SECISBP2L: variants seen among roughly 807,000 people sequenced by gnomAD.
SECISBP2L encodes selenocysteine insertion sequence-binding protein 2-like.
Under a neutral mutation model 114.7 loss-of-function variants are expected in SECISBP2L, and 43 were observed. The ratio of observed to expected loss-of-function variants is 0.38; its 90% CI spans 0.29 to 0.48. The LOEUF is 0.48. Among genes scored for constraint, SECISBP2L ranks in the 20% least tolerant of loss-of-function variants. The pLI is 0.98. For missense variants in SECISBP2L, 1,136 were observed against 1,301.1 expected (o/e 0.87, Z 1.95); for synonymous variants, 451 against 439.7 (o/e 1.03, Z -0.32).
chr15:49,023,968 A>T (rs1386109468), intron 7 of SECISBP2L, among the ~76,000 whole-genome samples: 1 of 152,154 alleles, frequency 6.6e-6, no homozygotes, highest in African/African-American at 2.4e-5. Context: ...ATCTTTTTTT[A>T]AAAATCTCTT....
intron 1 of SECISBP2L, among the ~76,000 whole-genome samples, chr15:49,041,974 A>AG (rs1233534821): frequency 3.3e-5 from 5 of 152,214 alleles, no homozygotes; most frequent in Admixed American, 2.0e-4. Flanking sequence ...GACAATAATG[A>AG]GGAAGACAAA....
intron 17 of SECISBP2L, among the ~76,000 whole-genome samples, chr15:48,994,238 T>C (rs1902044500): frequency 6.6e-6 from 1 of 152,162 alleles, no homozygotes; most frequent in African/African-American, 2.4e-5. Flanking sequence ...ATTAGTATTA[T>C]ATCCCTTTAG....
At chr15:49,026,151 C>T (rs1255660954) in intron 7 of SECISBP2L, among the ~76,000 whole-genome samples, 8 of 152,100 alleles carry the variant, frequency 5.3e-5, no homozygotes, top group Non-Finnish European at 1.2e-4. Flanking sequence ...CACGTTGTCA[C>T]TCACATGTGG....
At chr15:49,035,690 A>G in intron 2 of SECISBP2L, 32 bp from the exon 3 acceptor site, 2 of 1,568,156 alleles carry the variant, frequency 1.3e-6, no homozygotes, top group South Asian at 1.2e-5. Flanking sequence ...GAACAAATCT[A>G]TTGACAAGTC....
chr15:49,046,328 T>C lies in SECISBP2L; in HGVS notation c.-29A>G. Reference sequence around the variant, plus strand: ...GCCTGCAGCCGCAACGGGCCCGCGCTAGTCGGTGTAAACAGCGCCTCGGGC... The same window carrying C: ...GCCTGCAGCCGCAACGGGCCCGCGCCAGTCGGTGTAAACAGCGCCTCGGGC... On this transcript the variant is annotated 5_prime_UTR_variant, in exon 1 of 18. An upstream open reading frame in the 5' UTR loses its in-frame stop. Transcript: ENST00000559471. 1 of 1,530,478 alleles carries C rather than the reference T, an allele frequency of 6.5e-7. No individual in the cohort carries two copies. 94.8% of individuals were successfully genotyped at this position (1,530,478 alleles called of 1,614,324 possible).
At chr15:49,005,304 T>C (rs532942747) in intron 14 of SECISBP2L, among the ~76,000 whole-genome samples, 1 of 149,982 alleles carries the variant, frequency 6.7e-6, no homozygotes, top group South Asian at 2.1e-4. Context: ...CACTCCAGCC[T>C]GGGTGACAGA....
intron 16 of SECISBP2L, among the ~76,000 whole-genome samples, chr15:48,999,213 T>C (rs184956962): frequency 2.0e-5 from 3 of 152,334 alleles, no homozygotes; most frequent in Admixed American, 1.3e-4. Flanking sequence ...TTGGGAAAAG[T>C]AGTCTGTCAT....
chr15:48,996,626 T>C (rs1902097801), intron 16 of SECISBP2L, 40 bp from the exon 17 acceptor site: 2 of 1,550,310 alleles, frequency 1.3e-6, no homozygotes, highest in Non-Finnish European at 1.8e-6. Context: ...ATTTTTTTGT[T>C]ACACTTTTTA....
At chr15:49,031,485 GTATAT>G (rs909661951) in intron 4 of SECISBP2L, among the ~76,000 whole-genome samples, 3 of 151,750 alleles carry the variant, frequency 2.0e-5, no homozygotes, top group African/African-American at 7.3e-5. Flanking sequence ...ATTAACTTTT[GTATAT>G]TATATTAGAT....
chr15:49,045,390 C>T (rs1168109965), intron 1 of SECISBP2L, among the ~76,000 whole-genome samples: 1 of 152,196 alleles, frequency 6.6e-6, no homozygotes, highest in African/African-American at 2.4e-5. Flanking sequence ...CTTCTTCCGT[C>T]ATCTAGTCAT....
At position 49,017,024 on chromosome 15, in the gene SECISBP2L, A is replaced by T. The variant is rs1902550447; in HGVS notation, c.1252-9T>A. 6.2e-7 allele frequency: 1 copy of T among 1,607,640 alleles called. No individual in the cohort carries two copies. The highest frequency in any genetic ancestry group is 1.1e-5 in the South Asian group (1 of 89,672). On this transcript the variant is annotated splice_polypyrimidine_tract_variant and intron_variant, in intron 9 of 17. Transcript: ENST00000559471. ...TCAGGTAAATCATCCAACTATGATA[A>T]CCAGAAAAAACACATTTGTTAGTGA...
intron 16 of SECISBP2L, among the ~76,000 whole-genome samples, chr15:48,998,997 A>C (rs908946288): frequency 3.9e-5 from 6 of 152,244 alleles, no homozygotes; most frequent in Non-Finnish European, 8.8e-5. Context: ...AAGGGAAAGA[A>C]ACATACGTAA....
At chr15:49,003,341 G>A (rs1270322718) in intron 14 of SECISBP2L, among the ~76,000 whole-genome samples, 1 of 152,222 alleles carries the variant, frequency 6.6e-6, no homozygotes, top group Non-Finnish European at 1.5e-5. Context: ...ATTTGGGGAT[G>A]AGACAATGGG....
chr15:49,019,258 A>T (rs1902594706), intron 8 of SECISBP2L, among the ~76,000 whole-genome samples, 160 bp downstream of exon 8: 1 of 152,226 alleles, frequency 6.6e-6, no homozygotes, highest in East Asian at 1.9e-4. Flanking sequence ...ATATATAACC[A>T]AGACAAAAAT....
intron 1 of SECISBP2L, among the ~76,000 whole-genome samples, chr15:49,038,645 CAT>C (rs1459737833): frequency 7.2e-5 from 11 of 152,208 alleles, no homozygotes; most frequent in Admixed American, 1.3e-4. Context: ...TGTAACAATT[CAT>C]CAAGCTGTAC....
chr15:49,019,589 T>A, intron 7 of SECISBP2L, 37 bp from the exon 8 acceptor site: 1 of 1,413,068 alleles, frequency 7.1e-7, no homozygotes, highest in Non-Finnish European at 9.2e-7. Context: ...AATCTAATTA[T>A]TTTTAAATAA....
chr15:48,992,807 G>T lies in SECISBP2L; in HGVS notation c.2743C>A (p.Pro915Thr). 1.9e-6 allele frequency: 3 copies of T among 1,614,168 alleles called. No homozygotes were observed. Among genetic ancestry groups the T allele is most frequent in the Non-Finnish European group, 2.5e-6 (3 of 1,180,030 alleles). ...AATGATGGCTGCTTACCAATTGGGG[G>T]TGTGTCAAATGGAAGTTTACTGGGT... ...EKPSKLPFDT[P>T]PIGKQPSLVA... Residue 915 changes from proline to threonine, a missense_variant, in exon 18 of 18, where the codon CCC becomes ACC. Physicochemically the swap from Pro to Thr is conservative, Grantham distance 38 (BLOSUM62 -1). Coordinates refer to ENST00000559471, the MANE Select transcript of SECISBP2L (RefSeq NM_001193489.2).
At position 49,035,567 on chromosome 15, in the gene SECISBP2L, G is replaced by C; in HGVS notation, c.295C>G (p.Gln99Glu). 1.2e-6 allele frequency: 2 copies of C among 1,614,224 alleles called. No individual in the cohort carries two copies. The highest frequency in any genetic ancestry group is 1.7e-6 in the Non-Finnish European group (2 of 1,180,036). The change falls in exon 3 of 18, where the codon CAG becomes GAG. Residue 99 changes from glutamine (Q) to glutamate (E), a missense_variant. Gln to Glu is a conservative substitution (Grantham distance 29). Coordinates refer to ENST00000559471, the MANE Select transcript of SECISBP2L (RefSeq NM_001193489.2). ...PYFAYPIISA[Q>E]PPVSTEYTYY... Reference sequence around the variant, plus strand: ...GTATACTCTGTAGAAACAGGCGGCTGAGCAGATATAATGGGATAGGCAAAG... The same window carrying C: ...GTATACTCTGTAGAAACAGGCGGCTCAGCAGATATAATGGGATAGGCAAAG...
At chr15:49,011,636 C>T in intron 13 of SECISBP2L, 95 bp downstream of exon 13, 1 of 1,392,126 alleles carries the variant, frequency 7.2e-7, no homozygotes, top group Non-Finnish European at 9.9e-7. Context: ...TGGAGCACGT[C>T]TTCCAATCAG....
Sources: gnomAD v4.1 joint callset for allele counts (sites outside exome capture counted in the v4.1 genomes callset) on GRCh38, gnomAD v4.1.1 for gene constraint, MANE v1.5 for transcripts, NCBI Gene and HGNC (gene_info 2026-07-23, HGNC 2026-07-21) for gene names.